The following TCFL5 variants were observed in gnomAD, a reference collection of about 807,000 sequenced individuals.
The protein encoded by TCFL5 is transcription factor like 5, also known as transcription factor-like 5 protein.
TCFL5 carries 9 observed loss-of-function variants against 44.3 expected under a neutral mutation model. The ratio of observed to expected loss-of-function variants is 0.20; its 90% CI spans 0.12 to 0.35. The LOEUF (loss-of-function observed/expected upper bound fraction) is 0.35, where lower values mean the gene tolerates loss of function less well. TCFL5 is among the 10% of genes least tolerant of loss of function. TCFL5 has a pLI of 1.00. For synonymous variants in TCFL5, 319 were observed against 271.6 expected, an observed-to-expected ratio of 1.17 and a Z score of -1.72; for missense variants, 603 against 613.4, an observed-to-expected ratio of 0.98 and a Z score of 0.18.
intron 5 of TCFL5, among the ~76,000 whole-genome samples, chr20:62,847,295 T>C (rs1012419710): frequency 1.3e-4 from 20 of 151,938 alleles, no homozygotes; most frequent in African/African-American, 3.6e-4. Flanking sequence ...CTATAATGCA[T>C]TGATTAGAAA....
At chr20:62,856,715 A>AAAAG (rs2063897953) in intron 4 of TCFL5, among the ~76,000 whole-genome samples, 1 of 150,322 alleles carries the variant, frequency 6.7e-6, no homozygotes, top group African/African-American at 2.4e-5. Flanking sequence ...CAAAAAAAAA[A>AAAAG]AAAAAAAAAA....
At chr20:62,848,687 G>A (rs1056367736) in intron 5 of TCFL5, among the ~76,000 whole-genome samples, 4 of 151,898 alleles carry the variant, frequency 2.6e-5, no homozygotes, top group South Asian at 2.1e-4. Flanking sequence ...GCAGTCAGCC[G>A]GGATCACGCC....
intron 5 of TCFL5, among the ~76,000 whole-genome samples, chr20:62,851,191 G>A (rs559320832): frequency 4.6e-5 from 7 of 152,142 alleles, no homozygotes; most frequent in Non-Finnish European, 7.4e-5. Flanking sequence ...CATGTGTTTC[G>A]GCTTTTTATG....
At chr20:62,850,104 T>C (rs1240987879) in intron 5 of TCFL5, among the ~76,000 whole-genome samples, 1 of 152,194 alleles carries the variant, frequency 6.6e-6, no homozygotes, top group Non-Finnish European at 1.5e-5. Context: ...ATCATGGCAC[T>C]GGGATTCTGT....
In TCFL5 at chr20:62,854,008, C is replaced by T; in HGVS notation, c.1380+8G>A. 6.2e-7 allele frequency: 1 copy of T among 1,613,440 alleles called. No homozygotes were observed. Among genetic ancestry groups the T allele is most frequent in the Non-Finnish European group, 8.5e-7 (1 of 1,179,818 alleles). On this transcript the variant is annotated splice_region_variant and intron_variant, in intron 5 of 5. Transcript: ENST00000335351. ...AAATTCTGAAAATCTACCTGGCCTA[C>T]CACTAACCTTTTTAAGAGAATCTCC...
rs1234711517 is a variant in TCFL5 at position 62,861,580 on chromosome 20, C to T, written c.91G>A (p.Ala31Thr). The change falls in exon 1 of 6, where the codon GCG (alanine) becomes ACG (threonine). Residue 31 changes from alanine to threonine, a missense_variant. Coordinates refer to ENST00000335351, the MANE Select transcript of TCFL5 (RefSeq NM_006602.4). This position sits in a 1 kb window ranked among gnomAD's most constrained non-coding sequence, Gnocchi z 4.0. ...AAGCTCAGCCCCGGCTCGCCCAGCG[C>T]CGCGTCCCCGCCGCCCGCGCCCTCG... ...AVEGAGGGDAALGEPGLSFTT... is the reference protein window; with the variant it reads ...AVEGAGGGDATLGEPGLSFTT... 7 of 1,082,560 alleles carry T rather than the reference C, an allele frequency of 6.5e-6. No individual in the cohort carries two copies. Among genetic ancestry groups the T allele is most frequent in the East Asian group, 1.3e-4 (2 of 15,872 alleles). 67.1% of individuals were successfully genotyped at this position (1,082,560 alleles called of 1,614,324 possible).
chr20:62,844,948 CAGG>C (rs1185561836), intron 5 of TCFL5: 1 of 984,964 alleles, frequency 1.0e-6, no homozygotes, highest in Non-Finnish European at 1.2e-6. Context: ...AATTCAAGTC[CAGG>C]AGGACACAAG....
At chr20:62,853,475 G>A (rs768021278) in intron 5 of TCFL5, among the ~76,000 whole-genome samples, 99 of 151,900 alleles carry the variant, frequency 6.5e-4, no homozygotes, top group Non-Finnish European at 9.6e-4. Context: ...CCCCCGCCCC[G>A]AGCAGCTGGG....
chr20:62,843,518 G>A (rs1477847870), intron 5 of TCFL5, among the ~76,000 whole-genome samples: 1 of 152,138 alleles, frequency 6.6e-6, no homozygotes, highest in African/African-American at 2.4e-5. Flanking sequence ...CTATTTCTGT[G>A]CAGATTTGAA....
At chr20:62,859,757 G>A (rs1179880635) in intron 2 of TCFL5, among the ~76,000 whole-genome samples, 2 of 148,454 alleles carry the variant, frequency 1.3e-5, no homozygotes, top group African/African-American at 5.1e-5. Context: ...CTCTCACTCT[G>A]TCGCCCAGAC....
intron 3 of TCFL5, among the ~76,000 whole-genome samples, chr20:62,858,457 T>C (rs1167456314): frequency 6.6e-6 from 1 of 152,246 alleles, no homozygotes; most frequent in African/African-American, 2.4e-5. Context: ...ATCTTACAAA[T>C]GTGAACATAT....
At chr20:62,854,206 A>T in intron 4 of TCFL5, 49 bp from the exon 5 acceptor site, 2 of 1,602,298 alleles carry the variant, frequency 1.2e-6, no homozygotes, top group Non-Finnish European at 8.5e-7. Context: ...GAGCAAAACA[A>T]ACATGTAAAA....
At chr20:62,857,184 T>C (rs886416666) in intron 4 of TCFL5, among the ~76,000 whole-genome samples, 1 of 152,196 alleles carries the variant, frequency 6.6e-6, no homozygotes, top group South Asian at 2.1e-4. Context: ...TGAGAGTGAC[T>C]GCATGCGGAG....
intron 3 of TCFL5, 127 bp downstream of exon 3, chr20:62,859,237 G>A: frequency 1.2e-6 from 1 of 856,952 alleles, no homozygotes; most frequent in Non-Finnish European, 1.8e-6. Flanking sequence ...GAGATACACA[G>A]ACACCTCCAA....
chr20:62,852,429 G>A (rs1335724203), intron 5 of TCFL5: 1 of 952,198 alleles, frequency 1.1e-6, no homozygotes, highest in African/African-American at 2.1e-5. Context: ...CCCAGAACCA[G>A]CCCTGTGACT....
intron 5 of TCFL5, among the ~76,000 whole-genome samples, chr20:62,849,025 G>A (rs903812044): frequency 5.9e-5 from 9 of 152,084 alleles, no homozygotes; most frequent in Non-Finnish European, 1.0e-4. Flanking sequence ...AAAATTAGCC[G>A]GGCATGGTGG....
At chr20:62,859,660 T>C in intron 2 of TCFL5, 134 bp from the exon 3 acceptor site, 1 of 792,082 alleles carries the variant, frequency 1.3e-6, no homozygotes, top group Non-Finnish European at 1.9e-6. Flanking sequence ...GCACTGAAGA[T>C]TTAAAAATAT....
intron 4 of TCFL5, among the ~76,000 whole-genome samples, chr20:62,856,470 C>T (rs1018649506): frequency 1.3e-5 from 2 of 151,500 alleles, no homozygotes; most frequent in African/African-American, 4.8e-5. Flanking sequence ...TTTGGGAGGC[C>T]GAGGCGGGCA....
rs185474482 is a variant in TCFL5 at position 62,858,038 on chromosome 20, A to C, written c.995-400T>G. Among the ~76,000 whole-genome samples, 47 of 152,284 alleles carry C rather than the reference A, an allele frequency of 3.1e-4. 1 individual carries two copies. The East Asian group carries it at 8.7e-3, about 28-fold the overall frequency. On this transcript the variant is annotated intron_variant, in intron 3 of 5. Transcript: ENST00000335351. ...AAACCACCTGGACATATTTCCTCCC[A>C]AAAATATTTTCTTTATATACAATTA...
Sources: allele counts gnomAD v4.1 joint callset (sites outside exome capture counted in the v4.1 genomes callset), GRCh38; gene constraint gnomAD v4.1.1; non-coding constraint Gnocchi (gnomAD v3.1); transcripts MANE v1.5; gene names NCBI Gene and HGNC (gene_info 2026-07-23, HGNC 2026-07-21).